Variants in NOTO observed in about 807,000 individuals in gnomAD.
NOTO encodes notochord homeobox, also known as homeobox protein notochord.
NOTO carries 19 observed loss-of-function variants against 20.5 expected under a neutral mutation model. The ratio of observed to expected loss-of-function variants is 0.93; its 90% CI spans 0.65 to 1.36. The LOEUF is 1.36. NOTO is among the 40% of genes most tolerant of loss of function. The pLI is 0.00. For missense variants in NOTO, 369 were observed against 336.2 expected, an observed-to-expected ratio of 1.10 and a Z score of -0.76; for synonymous variants, 150 against 150.2, an observed-to-expected ratio of 1.00 and a Z score of 0.01.
At position 73,202,968 on chromosome 2, in the gene NOTO, C is replaced by G; in HGVS notation, c.302C>G (p.Ala101Gly). The G allele has an allele frequency of 1.3e-6, 2 of 1,509,260 alleles. No homozygotes were observed. The highest frequency in any genetic ancestry group is 1.8e-6 in the Non-Finnish European group (2 of 1,132,484). The allele number at this position is 1,509,260 out of a possible 1,614,324, so 93.5% of individuals were successfully genotyped here. ...PWACPTSWLPAYLSVGFYPVP... is the reference protein window; with the variant it reads ...PWACPTSWLPGYLSVGFYPVP... ...GCTTGCCCGACATCGTGGCTGCCCG[C>G]CTACCTGAGCGTAGGTTTTTACCCT... The change falls in exon 1 of 3, where the codon GCC (alanine) becomes GGC (glycine). Residue 101 changes from alanine (A) to glycine (G), a missense_variant. Coordinates refer to ENST00000398468, the MANE Select transcript of NOTO (RefSeq NM_001134462.2).
intron 1 of NOTO, among the ~76,000 whole-genome samples, chr2:73,208,001 A>G (rs1686112928): frequency 6.6e-6 from 1 of 152,238 alleles, no homozygotes; most frequent in African/African-American, 2.4e-5. Flanking sequence ...ACATTCAAAA[A>G]GTATAATATT....
chr2:73,204,886 T>TTTTTTTTTTTTTTTG (rs1686068100), intron 1 of NOTO, among the ~76,000 whole-genome samples: 1 of 71,738 alleles, frequency 1.4e-5, no homozygotes, highest in African/African-American at 7.5e-5. Flanking sequence ...TTTATTTTTT[T>TTTTTTTTTTTTTTTG]ATTTTTTTTT....
intron 1 of NOTO, among the ~76,000 whole-genome samples, chr2:73,207,813 C>T (rs771321229): frequency 1.3e-5 from 2 of 152,156 alleles, no homozygotes; most frequent in African/African-American, 2.4e-5. Context: ...CTTCAGCCTC[C>T]CAAAGTGCTG....
In NOTO at chr2:73,202,790, C is replaced by T; in HGVS notation, c.124C>T (p.Pro42Ser). ...SPTGPNTPRA[P>S]GRFESPFSVE... ...TACTGGCCCGAACACGCCCCGCGCTCCCGGACGCTTCGAGTCCCCTTTCTC... is the reference window on the plus strand; with the variant it reads ...TACTGGCCCGAACACGCCCCGCGCTTCCGGACGCTTCGAGTCCCCTTTCTC... Residue 42 changes from proline to serine, a missense_variant, in exon 1 of 3, where the codon CCC (proline) becomes TCC (serine). Coordinates refer to ENST00000398468, the MANE Select transcript of NOTO (RefSeq NM_001134462.2). 6.6e-7 allele frequency: 1 copy of T among 1,525,244 alleles called. No homozygotes were observed. The highest frequency in any genetic ancestry group is 8.8e-7 in the Non-Finnish European group (1 of 1,142,114). The allele number at this position is 1,525,244 out of a possible 1,614,324, so 94.5% of individuals were successfully genotyped here.
At chr2:73,209,815 T>G (rs1686152724) in intron 2 of NOTO, among the ~76,000 whole-genome samples, 1 of 152,190 alleles carries the variant, frequency 6.6e-6, no homozygotes, top group African/African-American at 2.4e-5. Context: ...CCTCAATTCC[T>G]GACTTTTTTC....
At chr2:73,208,337 G>A (rs1686117121) in intron 1 of NOTO, 63 bp from the exon 2 acceptor site, 2 of 1,160,332 alleles carry the variant, frequency 1.7e-6, no homozygotes, top group Non-Finnish European at 1.3e-6. Context: ...TGGGAGTGCA[G>A]GGGGCTTCTG....
chr2:73,210,925 G>C lies in NOTO; in HGVS notation c.752G>C (p.Gly251Ala), dbSNP rs576424895. The C allele has an allele frequency of 2.7e-4, 424 of 1,550,438 alleles. 8 individuals carry two copies. The South Asian group carries it at 4.8e-3, about 17-fold the overall frequency. The change falls in exon 3 of 3, where the codon GGC becomes GCC. Residue 251 changes from glycine (G) to alanine (A), a missense_variant. By Grantham distance (60) the Gly-to-Ala change is moderately conservative (BLOSUM62 0). Coordinates refer to ENST00000398468, the MANE Select transcript of NOTO (RefSeq NM_001134462.2). ...GATGATGCCGAGTCAGGAGTGGACG[G>C]CTGAAGACTGGGACAGAGGCCCTAG... The part of the protein sequence containing the change: ...QSDDAESGVD[G>A]
At chr2:73,208,270 C>G (rs1686115886) in intron 1 of NOTO, 130 bp from the exon 2 acceptor site, 1 of 630,258 alleles carries the variant, frequency 1.6e-6, no homozygotes, top group South Asian at 1.9e-5. Flanking sequence ...GCACTGTTAC[C>G]TGGCCAAGGG....
Position 73,208,496 on chromosome 2 carries a change from G to T in NOTO, c.479G>T (p.Arg160Leu). The T allele has an allele frequency of 6.4e-7, 1 of 1,551,464 alleles. No homozygotes were observed. The change falls in exon 2 of 3, where the codon CGA becomes CTA. Residue 160 changes from arginine to leucine, a missense_variant. Arg to Leu is a moderately radical substitution (Grantham distance 102). Transcript: ENST00000398468. ...ACTGAGAGACAGCAAAAGAGAGTCC[G>T]AACTATGTTTAACTTGGAGCAGCTG... ...QDTERQQKRVRTMFNLEQLEE... is the reference protein window; with the variant it reads ...QDTERQQKRVLTMFNLEQLEE...
chr2:73,209,665 T>C (rs1352108925), intron 2 of NOTO, among the ~76,000 whole-genome samples: 1 of 152,176 alleles, frequency 6.6e-6, no homozygotes, highest in Non-Finnish European at 1.5e-5. Flanking sequence ...TTCCCGTGGC[T>C]TAAAATACCA....
chr2:73,202,947 G>GCCCGA lies in NOTO; in HGVS notation c.283_287dup (p.Ser97ArgfsTer9). 2 of 1,515,438 alleles carry GCCCGA rather than the reference G, an allele frequency of 1.3e-6. No homozygotes were observed. Among genetic ancestry groups the GCCCGA allele is most frequent in the Admixed American group, 4.1e-5 (2 of 48,498 alleles). 93.9% of individuals were successfully genotyped at this position (1,515,438 alleles called of 1,614,324 possible). A position where few individuals can be genotyped will look rare whatever the true frequency, so the allele number is the denominator to read the frequency against. Reference sequence around the variant, plus strand: ...GCCACCGGGGGTCTGCCCTGGGCTTGCCCGACATCGTGGCTGCCCGCCTAC... The same window carrying GCCCGA: ...GCCACCGGGGGTCTGCCCTGGGCTTGCCCGACCCGACATCGTGGCTGCCCGCCTAC... On this transcript the variant is annotated frameshift_variant, in exon 1 of 3. Coordinates refer to ENST00000398468, the MANE Select transcript of NOTO (RefSeq NM_001134462.2). LOFTEE classifies it high-confidence loss of function.
In NOTO at chr2:73,210,005, C is replaced by G. The variant is rs1207616123; in HGVS notation, c.598-766C>G. ...CTCTCTGTCACCCCTAATGTACGCC[C>G]CAGCTCTCCCGGGGCCGCTGCAGTA... On this transcript the variant is annotated intron_variant, in intron 2 of 2. Coordinates refer to ENST00000398468, the MANE Select transcript of NOTO (RefSeq NM_001134462.2). 2.6e-5 allele frequency among the ~76,000 whole-genome samples: 4 copies of G among 152,178 alleles called. 1 individual carries two copies. Among genetic ancestry groups the G allele is most frequent in the African/African-American group, 9.6e-5 (4 of 41,456 alleles).
chr2:73,202,841 G>T lies in NOTO; in HGVS notation c.175G>T (p.Asp59Tyr). ...FSVEAILARP[D>Y]PCAPAASQPS... ...GGTCGAGGCCATCCTGGCGAGGCCC[G>T]ACCCCTGCGCGCCGGCGGCCTCCCA... is the stretch of plus-strand genomic sequence containing the variant. The change falls in exon 1 of 3, where the codon GAC becomes TAC. Residue 59 changes from aspartate to tyrosine, a missense_variant. By Grantham distance (160) the Asp-to-Tyr change is radical. Transcript: ENST00000398468. The T allele has an allele frequency of 6.6e-7, 1 of 1,524,872 alleles. No homozygotes were observed. The highest frequency in any genetic ancestry group is 8.8e-7 in the Non-Finnish European group (1 of 1,141,748). The allele number at this position is 1,524,872 out of a possible 1,614,324, so 94.5% of individuals were successfully genotyped here.
At chr2:73,207,579 A>T (rs934079456) in intron 1 of NOTO, among the ~76,000 whole-genome samples, 7 of 152,010 alleles carry the variant, frequency 4.6e-5, no homozygotes, top group Non-Finnish European at 7.4e-5. Context: ...ATTGAGACAG[A>T]GTCTTGCACT....
In NOTO at chr2:73,211,104, T is replaced by C. The variant is rs1686173620; in HGVS notation, c.*175T>C. The C allele has an allele frequency of 1.8e-6, 1 of 565,176 alleles. No individual in the cohort carries two copies. Among genetic ancestry groups the C allele is most frequent in the Admixed American group, 3.3e-5 (1 of 29,934 alleles). 35.0% of individuals were successfully genotyped at this position (565,176 alleles called of 1,614,324 possible). On this transcript the variant is annotated 3_prime_UTR_variant, in exon 3 of 3. Transcript: ENST00000398468. ...CCTGGAAACTGGAATAATGTAATGA[T>C]TGGAGGCACAGACTCTGGCCTTCAG...
rs1235062516 is a variant in NOTO at position 73,210,752 on chromosome 2, GC to G, written c.598-16del. The G allele has an allele frequency of 1.3e-6, 2 of 1,538,684 alleles. No individual in the cohort carries two copies. Among genetic ancestry groups the G allele is most frequent in the African/African-American group, 2.7e-5 (2 of 73,024 alleles). ...ACCTGATGGTCACATTCTGATCTCTGCCCACTCTCCAATTATAGGTGAGAGT... is the reference window on the plus strand; with the variant it reads ...ACCTGATGGTCACATTCTGATCTCTGCCACTCTCCAATTATAGGTGAGAGT... On this transcript the variant is annotated intron_variant, in intron 2 of 2. Coordinates refer to ENST00000398468, the MANE Select transcript of NOTO (RefSeq NM_001134462.2).
chr2:73,207,761 G>T (rs1037821277), intron 1 of NOTO, among the ~76,000 whole-genome samples: 1 of 152,034 alleles, frequency 6.6e-6, no homozygotes, highest in African/African-American at 2.4e-5. Flanking sequence ...CACCATGTTG[G>T]CCAGGCTGGT....
Position 73,202,874 on chromosome 2 carries a change from G to A in NOTO, c.208G>A (p.Gly70Ser). The change falls in exon 1 of 3, where the codon GGC becomes AGC. Residue 70 changes from glycine to serine, a missense_variant. By Grantham distance (56) the Gly-to-Ser change is moderately conservative. Coordinates refer to ENST00000398468, the MANE Select transcript of NOTO (RefSeq NM_001134462.2). Reference sequence around the variant, plus strand: ...CGCGCCGGCGGCCTCCCAGCCGTCGGGCTCCGCCTGCGTCCACCCGGCCTT... The same window carrying A: ...CGCGCCGGCGGCCTCCCAGCCGTCGAGCTCCGCCTGCGTCCACCCGGCCTT... ...PCAPAASQPS[G>S]SACVHPAFWT... 1 of 1,526,932 alleles carries A rather than the reference G, an allele frequency of 6.5e-7. No homozygotes were observed. The highest frequency in any genetic ancestry group is 2.5e-5 in the East Asian group (1 of 39,376). 94.6% of individuals were successfully genotyped at this position (1,526,932 alleles called of 1,614,324 possible).
intron 1 of NOTO, among the ~76,000 whole-genome samples, chr2:73,205,640 A>G (rs1686079215): frequency 6.6e-6 from 1 of 151,962 alleles, no homozygotes; most frequent in African/African-American, 2.4e-5. Context: ...TGTTTTTACA[A>G]ATCCTTTTTT....
Sources: allele counts gnomAD v4.1 joint callset (sites outside exome capture counted in the v4.1 genomes callset), GRCh38; gene constraint gnomAD v4.1.1; transcripts MANE v1.5; gene names NCBI Gene and HGNC (gene_info 2026-07-23, HGNC 2026-07-21).